Variants in MTA3 observed in about 807,000 individuals in gnomAD.
MTA3 encodes the protein metastasis-associated protein MTA3.
A neutral mutation model predicts 83.5 loss-of-function variants in MTA3; 34 were observed. The ratio of observed to expected loss-of-function variants is 0.41; its 90% confidence interval spans 0.31 to 0.54. The LOEUF (loss-of-function observed/expected upper bound fraction) is 0.54. Ranked by LOEUF, MTA3 falls within the 20% of genes least tolerant of loss-of-function variation. The pLI, the probability that MTA3 is intolerant of heterozygous loss-of-function variation, is 0.33. For synonymous variants in MTA3, 303 were observed against 252.7 expected (o/e 1.20, Z -1.89); for missense variants, 761 against 726.4 (o/e 1.05, Z -0.55).
At chr2:42,589,798 A>C (rs1421881544) in intron 3 of MTA3, among the ~76,000 whole-genome samples, 4 of 152,146 alleles carry the variant, frequency 2.6e-5, no homozygotes, top group Non-Finnish European at 5.9e-5. Flanking sequence ...CCCTACTGTG[A>C]AACTTTTTGA....
chr2:42,662,624 C>G (rs181779087), intron 8 of MTA3, among the ~76,000 whole-genome samples: 1 of 151,804 alleles, frequency 6.6e-6, no homozygotes, highest in Non-Finnish European at 1.5e-5. Flanking sequence ...TGTGCAAGCA[C>G]CACATTTTAG....
upstream of MTA3, among the ~76,000 whole-genome samples, chr2:42,566,011 A>G (rs1677896085): frequency 6.6e-6 from 1 of 152,008 alleles, no homozygotes; most frequent in Admixed American, 6.6e-5. Flanking sequence ...CTCCGTCTCA[A>G]AAAAAATTTT....
At chr2:42,725,566 G>A (rs150608718) in intron 16 of MTA3, among the ~76,000 whole-genome samples, 3 of 152,328 alleles carry the variant, frequency 2.0e-5, no homozygotes, top group East Asian at 3.9e-4. Context: ...TCTCAGGGTT[G>A]GGAGAGCACA....
chr2:42,595,696 G>T (rs764301531), intron 3 of MTA3, among the ~76,000 whole-genome samples: 1 of 151,808 alleles, frequency 6.6e-6, no homozygotes, highest in Non-Finnish European at 1.5e-5. Flanking sequence ...TTAAGTAAAC[G>T]GTATTTGGGT....
chr2:42,570,678 G>A (rs1239062637), intron 2 of MTA3, among the ~76,000 whole-genome samples, 174 bp downstream of exon 2: 1 of 152,058 alleles, frequency 6.6e-6, no homozygotes, highest in Non-Finnish European at 1.5e-5. Flanking sequence ...GTGCAACATA[G>A]TGAGACCCTA....
chr2:42,542,104 T>A (rs1327162549), intron 2 of MTA3, among the ~76,000 whole-genome samples: 1 of 152,164 alleles, frequency 6.6e-6, no homozygotes, highest in African/African-American at 2.4e-5. Context: ...TGCAAATGGG[T>A]TTGCTCTATG....
chr2:42,519,041 T>G (rs1675291037), intron 2 of MTA3, among the ~76,000 whole-genome samples: 1 of 143,962 alleles, frequency 6.9e-6, no homozygotes, highest in African/African-American at 2.6e-5. Flanking sequence ...GAATATAGTA[T>G]GGAAAGGTGG....
At chr2:42,510,405 G>A (rs1674844226) in intron 2 of MTA3, among the ~76,000 whole-genome samples, 1 of 151,534 alleles carries the variant, frequency 6.6e-6, no homozygotes, top group Non-Finnish European at 1.5e-5. Context: ...TTACTCAGCA[G>A]ATGCTTTAGT....
At chr2:42,704,435 T>A in intron 12 of MTA3, 117 bp downstream of exon 12, 1 of 1,237,898 alleles carries the variant, frequency 8.1e-7, no homozygotes, top group Non-Finnish European at 1.1e-6. Context: ...CAAGCATGTC[T>A]CCTCTAAATG....
At chr2:42,542,096 C>T (rs555347607) in intron 2 of MTA3, among the ~76,000 whole-genome samples, 2 of 152,168 alleles carry the variant, frequency 1.3e-5, no homozygotes, top group East Asian at 1.9e-4. Flanking sequence ...GCTTTCTTTG[C>T]AAATGGGTTT....
intron 7 of MTA3, chr2:42,659,379 T>C (rs1689463446): frequency 6.6e-6 from 1 of 152,374 alleles, no homozygotes; most frequent in Non-Finnish European, 1.5e-5. Context: ...CAATTTGGGC[T>C]TAAAAAGTAG....
intron 3 of MTA3, among the ~76,000 whole-genome samples, chr2:42,594,728 A>ATATATATATATATATTTTTTTTTTTTT: frequency 2.1e-4 from 5 of 24,042 alleles, no homozygotes; most frequent in Admixed American, 8.8e-4. Flanking sequence ...ATATATATAT[A>ATATATATATATATATTTTTTTTTTTTT]TTTTTTTTTT....
chr2:42,593,590 C>T (rs551831052), intron 3 of MTA3, among the ~76,000 whole-genome samples: 76 of 152,076 alleles, frequency 5.0e-4, no homozygotes, highest in African/African-American at 1.7e-3. Flanking sequence ...CTTAAGGGAC[C>T]GTTGTTCATA....
chr2:42,586,557 A>AACAC (rs68029790), intron 3 of MTA3, among the ~76,000 whole-genome samples: 1,436 of 125,706 alleles, frequency 0.011, 19 homozygotes, highest in East Asian at 0.017. Context: ...AAGGAAGGAA[A>AACAC]ACACACACAC....
chr2:42,708,908 C>A lies in MTA3; in HGVS notation c.1337C>A (p.Ala446Asp), dbSNP rs751395716. The A allele has an allele frequency of 1.9e-6, 3 of 1,613,870 alleles. No individual in the cohort carries two copies. Among genetic ancestry groups the A allele is most frequent in the African/African-American group, 1.3e-5 (1 of 74,926 alleles). Residue 446 changes from alanine (A) to aspartate (D), a missense_variant, in exon 14 of 17, where the codon GCC (alanine) becomes GAC (aspartate). Coordinates refer to ENST00000405094, the MANE Select transcript of MTA3 (RefSeq NM_001330442.2). ...PRVRSHVSRQAMQGMPVRNTG... is the reference protein window; with the variant it reads ...PRVRSHVSRQDMQGMPVRNTG... ...GTTAGAAGTCACGTGTCCCGCCAGG[C>A]CATGCAGGGAATGCCAGTCCGAAAC... is the stretch of plus-strand genomic sequence containing the variant.
chr2:42,727,638 A>G (rs1479264913), intron 16 of MTA3, among the ~76,000 whole-genome samples: 1 of 152,102 alleles, frequency 6.6e-6, no homozygotes, highest in Non-Finnish European at 1.5e-5. Flanking sequence ...GTTTGGAATC[A>G]GTTAGGATTA....
intron 4 of MTA3, among the ~76,000 whole-genome samples, chr2:42,630,925 A>T (rs915423244): frequency 9.2e-5 from 14 of 152,164 alleles, no homozygotes; most frequent in Admixed American, 5.9e-4. Context: ...GTTTTTATGG[A>T]TATGTTTATT....
chr2:42,714,907 C>T (rs571079101), intron 14 of MTA3, among the ~76,000 whole-genome samples: 17 of 152,312 alleles, frequency 1.1e-4, no homozygotes, highest in Non-Finnish European at 2.1e-4. Context: ...CGGTAATGCT[C>T]ACCTGCTGTC....
intron 6 of MTA3, among the ~76,000 whole-genome samples, chr2:42,650,098 C>T (rs996697006): frequency 6.6e-6 from 1 of 151,986 alleles, no homozygotes; most frequent in Non-Finnish European, 1.5e-5. Context: ...AGTGGATAGT[C>T]GTTAACTTAG....
Sources: allele counts gnomAD v4.1 joint callset (sites outside exome capture counted in the v4.1 genomes callset), GRCh38; gene constraint gnomAD v4.1.1; transcripts MANE v1.5; gene names NCBI Gene and HGNC (gene_info 2026-07-23, HGNC 2026-07-21).